The following CYFIP1 variants were observed in gnomAD, a reference collection of about 807,000 sequenced individuals.
The protein encoded by CYFIP1 is cytoplasmic FMR1 interacting protein 1.
A neutral mutation model predicts 163.5 loss-of-function variants in CYFIP1; 58 were observed. The observed-to-expected ratio is 0.35, with a 90% CI of 0.29 to 0.44. CYFIP1 has a LOEUF of 0.44. Among genes scored for constraint, CYFIP1 ranks in the 20% least tolerant of loss-of-function variants. The pLI is 1.00. For synonymous variants in CYFIP1, 663 were observed against 660.7 expected, an observed-to-expected ratio of 1.00 and a Z score of -0.05; for missense variants, 1,338 against 1,653.8, an observed-to-expected ratio of 0.81 and a Z score of 3.31.
At chr15:22,948,689 A>G (rs2062140973) in intron 1 of CYFIP1, among the ~76,000 whole-genome samples, 1 of 152,164 alleles carries the variant, frequency 6.6e-6, no homozygotes, top group African/African-American at 2.4e-5. Flanking sequence ...GAAATGCTCT[A>G]ACGATTGTAA....
At chr15:22,903,945 C>T in intron 21 of CYFIP1, 40 bp from the exon 22 acceptor site, 2 of 1,597,650 alleles carry the variant, frequency 1.3e-6, no homozygotes, top group African/African-American at 1.3e-5. Context: ...AGAGCTGGTC[C>T]AGGCAGGAAG....
At chr15:22,923,412 T>C (rs776492190) in intron 13 of CYFIP1, among the ~76,000 whole-genome samples, 1 of 151,522 alleles carries the variant, frequency 6.6e-6, no homozygotes, top group East Asian at 1.9e-4. Flanking sequence ...CGCAATGAAA[T>C]GAGATACCAC....
At chr15:22,930,402 A>G (rs1055019651) in intron 11 of CYFIP1, among the ~76,000 whole-genome samples, 6 of 147,724 alleles carry the variant, frequency 4.1e-5, no homozygotes, top group Non-Finnish European at 7.5e-5. Flanking sequence ...AAAAAAAAAA[A>G]AAAAAAAAAA....
At chr15:22,877,524 CATA>C (rs1313458978) in intron 26 of CYFIP1, among the ~76,000 whole-genome samples, 1 of 152,204 alleles carries the variant, frequency 6.6e-6, no homozygotes, top group South Asian at 2.1e-4. Flanking sequence ...ATTTAAAATT[CATA>C]ATGAGAGATT....
intron 30 of CYFIP1, among the ~76,000 whole-genome samples, chr15:22,871,333 A>AGACAATAAAACTGTCAGTTAC (rs1398712806): frequency 2.0e-5 from 3 of 152,248 alleles, no homozygotes; most frequent in African/African-American, 7.2e-5. Context: ...AGTTCAGTTA[A>AGACAATAAAACTGTCAGTTAC]GACAATAAAA....
chr15:22,882,345 G>C (rs904939826), intron 24 of CYFIP1, among the ~76,000 whole-genome samples: 1 of 152,252 alleles, frequency 6.6e-6, no homozygotes, highest in African/African-American at 2.4e-5. Flanking sequence ...CACCCTCCAA[G>C]CTGCCACATG....
intron 5 of CYFIP1, 36 bp downstream of exon 5, chr15:22,944,522 G>C: frequency 1.4e-6 from 2 of 1,410,372 alleles, no homozygotes; most frequent in Non-Finnish European, 2.0e-6. Context: ...CCCACCCCTC[G>C]GTGTTACACC....
rs550702283 is a variant in CYFIP1, at chr15:22,953,949, G to A, written c.-6-6658C>T. ...CGGGCGCCTGTAGTCCCAGCTACTCGGGAGGCTGAGGCAGGAAAATGGCGT... is the reference window on the plus strand; with the variant it reads ...CGGGCGCCTGTAGTCCCAGCTACTCAGGAGGCTGAGGCAGGAAAATGGCGT... On this transcript the variant is annotated intron_variant, in intron 1 of 30. Transcript: ENST00000617928. Among the ~76,000 whole-genome samples the A allele has an allele frequency of 1.3e-3, 205 of 152,206 alleles. 1 individual carries two copies. Among genetic ancestry groups the A allele is most frequent in the Middle Eastern group, 3.4e-3 (1 of 294 alleles).
At chr15:22,907,259 C>G (rs982510073) in intron 21 of CYFIP1, among the ~76,000 whole-genome samples, 6 of 152,220 alleles carry the variant, frequency 3.9e-5, no homozygotes, top group African/African-American at 1.4e-4. Flanking sequence ...AGGCCACCAG[C>G]CTGGGCTCCT....
chr15:22,928,746 T>C (rs1373290353), intron 11 of CYFIP1, among the ~76,000 whole-genome samples: 1 of 152,158 alleles, frequency 6.6e-6, no homozygotes, highest in African/African-American at 2.4e-5. Flanking sequence ...TTTATAGATG[T>C]GATATTAGAA....
At chr15:22,893,143 T>G (rs1157666270) in intron 22 of CYFIP1, among the ~76,000 whole-genome samples, 166 bp from the exon 23 acceptor site, 1 of 151,916 alleles carries the variant, frequency 6.6e-6, no homozygotes, top group Non-Finnish European at 1.5e-5. Flanking sequence ...ACGAATGAGA[T>G]CTCAATACTC....
At chr15:22,921,843 G>A (rs2061193813) in intron 13 of CYFIP1, among the ~76,000 whole-genome samples, 1 of 151,126 alleles carries the variant, frequency 6.6e-6, no homozygotes, top group Non-Finnish European at 1.5e-5. Flanking sequence ...TTTATAGACA[G>A]ATTAAGAGAT....
At chr15:22,881,606 G>T (rs541403851) in intron 25 of CYFIP1, among the ~76,000 whole-genome samples, 2 of 152,230 alleles carry the variant, frequency 1.3e-5, no homozygotes, top group South Asian at 4.1e-4. Context: ...CAATTCTTTC[G>T]TAGGGGTGCC....
Position 22,869,941 on chromosome 15 carries a change from A to G in CYFIP1, c.*87T>C. The G allele has an allele frequency of 7.9e-7, 1 of 1,272,806 alleles. No individual in the cohort carries two copies. The highest frequency in any genetic ancestry group is 2.8e-5 in the East Asian group (1 of 35,526). 78.8% of individuals were successfully genotyped at this position (1,272,806 alleles called of 1,614,324 possible). The stretch of plus-strand genomic sequence containing the variant: ...CACCCCCTTTAACAGGTACAGAGAT[A>G]CTGAAAAATAGTCCCTAAAAATCTC... On this transcript the variant is annotated 3_prime_UTR_variant, in exon 31 of 31. Coordinates refer to ENST00000617928, the MANE Select transcript of CYFIP1 (RefSeq NM_014608.6).
chr15:22,973,301 G>C (rs897131796), intron 1 of CYFIP1, among the ~76,000 whole-genome samples: 5 of 106,154 alleles, frequency 4.7e-5, no homozygotes, highest in Non-Finnish European at 6.8e-5. Flanking sequence ...GTGACAGAAC[G>C]AGACCTTGTC....
At chr15:22,930,077 G>A (rs893048725) in intron 11 of CYFIP1, among the ~76,000 whole-genome samples, 1 of 151,328 alleles carries the variant, frequency 6.6e-6, no homozygotes, top group Non-Finnish European at 1.5e-5. Context: ...TGTACTCAGA[G>A]GCCGGGTGCG....
chr15:22,911,956 G>A (rs1034526205), intron 18 of CYFIP1, among the ~76,000 whole-genome samples: 1 of 152,178 alleles, frequency 6.6e-6, no homozygotes, highest in African/African-American at 2.4e-5. Context: ...ACCAAAAATA[G>A]ATGAGGACAC....
intron 14 of CYFIP1, 94 bp from the exon 15 acceptor site, chr15:22,918,029 G>A: frequency 2.1e-6 from 3 of 1,399,708 alleles, no homozygotes; most frequent in South Asian, 2.7e-5. Context: ...AAGGCTCTCA[G>A]AACAGCCCCC....
chr15:22,980,285 A>G lies in CYFIP1; in HGVS notation c.-7+2T>C, dbSNP rs2063441970. On this transcript the variant is annotated splice_donor_variant, in intron 1 of 30. Coordinates refer to ENST00000617928, the MANE Select transcript of CYFIP1 (RefSeq NM_014608.6). LOFTEE classifies it low-confidence loss of function (5UTR_SPLICE). ...CAGGCGCGGGCGAGCGGGGTTCCTC[A>G]CCTGCGTCCGCGGCGGCTTGGGGGT... 6.6e-6 allele frequency: 1 copy of G among 151,186 alleles called. No homozygotes were observed. The highest frequency in any genetic ancestry group is 1.5e-5 in the Non-Finnish European group (1 of 67,722). 9.4% of individuals were successfully genotyped at this position (151,186 alleles called of 1,614,324 possible). A position where few individuals can be genotyped will look rare whatever the true frequency, so the allele number is the denominator to read the frequency against.
Sources: allele counts gnomAD v4.1 joint callset (sites outside exome capture counted in the v4.1 genomes callset), GRCh38; gene constraint gnomAD v4.1.1; transcripts MANE v1.5; gene names NCBI Gene and HGNC (gene_info 2026-07-23, HGNC 2026-07-21).